The following RAB37 variants were observed in gnomAD, a reference collection of about 807,000 sequenced individuals.
RAB37 encodes the protein ras-related protein Rab-37.
In RAB37, 29 loss-of-function variants were observed where a neutral mutation model predicts 33.1. The ratio of observed to expected loss-of-function variants is 0.88; its 90% CI spans 0.65 to 1.20. RAB37 has a LOEUF of 1.20. RAB37 is among the 50% of genes most tolerant of loss of function. The probability of loss-of-function intolerance (pLI) is 0.00; values close to 1 mark genes in which losing one functional copy is unlikely to be tolerated. For missense variants in RAB37, 299 were observed against 301.1 expected (o/e 0.99, Z 0.05); for synonymous variants, 128 against 119.5 (o/e 1.07, Z -0.47).
intron 1 of RAB37, among the ~76,000 whole-genome samples, chr17:74,680,374 C>T (rs966759891): frequency 6.6e-6 from 1 of 152,124 alleles, no homozygotes; most frequent in African/African-American, 2.4e-5. Flanking sequence ...TCAAGAGTGG[C>T]TCCATCTCTC....
chr17:74,696,162 G>C, intron 1 of RAB37: 1 of 1,586,330 alleles, frequency 6.3e-7, no homozygotes, highest in South Asian at 1.2e-5. Flanking sequence ...AAGCTGCCTG[G>C]TCTCTCTGGT....
Position 74,690,721 on chromosome 17 carries a change from CAG to C in RAB37, c.72+19069_72+19070del, listed in dbSNP as rs527836386. ...TGACTCCTACAGTCATAGCACTGCA[CAG>C]AGAGAACCCAGACACTTCCTATCAG... On this transcript the variant is annotated intron_variant, in intron 1 of 7. Transcript: ENST00000340415. Among the ~76,000 whole-genome samples, 12 of 152,326 alleles carry C rather than the reference CAG, an allele frequency of 7.9e-5. No homozygotes were observed. In the East Asian group the frequency reaches 2.3e-3, roughly 29 times the overall value.
upstream of RAB37, among the ~76,000 whole-genome samples, chr17:74,734,730 C>G (rs2034439959): frequency 6.6e-6 from 1 of 151,930 alleles, no homozygotes; most frequent in African/African-American, 2.4e-5. Flanking sequence ...GTTATCCCAG[C>G]TACTTGGGAG....
chr17:74,700,685 T>C (rs1448942176), intron 1 of RAB37, among the ~76,000 whole-genome samples: 3 of 151,368 alleles, frequency 2.0e-5, no homozygotes, highest in African/African-American at 4.9e-5. Context: ...CTGGGAGGCG[T>C]AGGTTGCAGT....
chr17:74,735,059 A>AAGAAAGAAAGAAAGAG (rs2034454067), upstream of RAB37, among the ~76,000 whole-genome samples: 2 of 135,638 alleles, frequency 1.5e-5, no homozygotes, highest in Admixed American at 7.4e-5. Flanking sequence ...GAAAGAAAGA[A>AAGAAAGAAAGAAAGAG]AGAGAAAGAA....
At chr17:74,704,596 G>T (rs767531537) in intron 1 of RAB37, 10 of 1,614,066 alleles carry the variant, frequency 6.2e-6, no homozygotes, top group Admixed American at 5.0e-5. Context: ...TGAACGTGCG[G>T]TTTTTCTGAT....
At chr17:74,678,168 T>G (rs1423185319) in intron 1 of RAB37, among the ~76,000 whole-genome samples, 1 of 152,190 alleles carries the variant, frequency 6.6e-6, no homozygotes, top group Non-Finnish European at 1.5e-5. Flanking sequence ...CGAGTGCGAA[T>G]GGAGATCACA....
chr17:74,718,840 T>C (rs952371917), intron 1 of RAB37, among the ~76,000 whole-genome samples: 12 of 152,218 alleles, frequency 7.9e-5, no homozygotes, highest in African/African-American at 2.9e-4. Context: ...TGTTCTTCTG[T>C]AGAAAAGCAA....
At chr17:74,736,162 G>A (rs1267233213), upstream of RAB37, among the ~76,000 whole-genome samples, 2 of 151,762 alleles carry the variant, frequency 1.3e-5, no homozygotes, top group Non-Finnish European at 2.9e-5. Flanking sequence ...GCAGTGAGGC[G>A]AGATCGCACC....
intron 1 of RAB37, among the ~76,000 whole-genome samples, chr17:74,706,669 AAAAACAAAAC>A (rs905552893): frequency 2.6e-5 from 4 of 152,282 alleles, no homozygotes; most frequent in African/African-American, 9.6e-5. Context: ...ACTCCATCTC[AAAAACAAAAC>A]AAAACAAAAC....
chr17:74,671,713 A>T lies in RAB37; in HGVS notation c.72+55A>T. Reference sequence around the variant, plus strand: ...CGTTGGAAGAGGCGCCAGCACCAGGAGTTTTCTCCACTCCCCTGACTTTGC... The same window carrying T: ...CGTTGGAAGAGGCGCCAGCACCAGGTGTTTTCTCCACTCCCCTGACTTTGC... On this transcript the variant is annotated intron_variant, in intron 1 of 7. Coordinates refer to the RAB37 transcript ENST00000340415. This position sits in a 1 kb window ranked among gnomAD's most constrained non-coding sequence, Gnocchi z 5.0. 6.7e-7 allele frequency: 1 copy of T among 1,502,858 alleles called. No homozygotes were observed. The highest frequency in any genetic ancestry group is 9.3e-7 in the Non-Finnish European group (1 of 1,079,640). The allele number at this position is 1,502,858 out of a possible 1,614,324, so 93.1% of individuals were successfully genotyped here.
intron 1 of RAB37, among the ~76,000 whole-genome samples, chr17:74,727,979 CTGTGTGTCTGTGTGAA>C (rs1334907963): frequency 6.6e-6 from 1 of 150,744 alleles, no homozygotes; most frequent in Non-Finnish European, 1.5e-5. Flanking sequence ...GTATATGTGT[CTGTGTGTCTGTGTGAA>C]TGTGCATATG....
chr17:74,693,005 G>A (rs2032193091), intron 1 of RAB37, among the ~76,000 whole-genome samples: 1 of 152,184 alleles, frequency 6.6e-6, no homozygotes, highest in African/African-American at 2.4e-5. Context: ...ACAGCCTAGT[G>A]GAGATGGGGA....
intron 1 of RAB37, among the ~76,000 whole-genome samples, chr17:74,737,743 C>G (rs2034515684): frequency 6.6e-6 from 1 of 152,168 alleles, no homozygotes; most frequent in Non-Finnish European, 1.5e-5. Flanking sequence ...AGAGGACGTC[C>G]CCTGCTGGCA....
chr17:74,698,557 G>A, intron 1 of RAB37: 1 of 1,534,936 alleles, frequency 6.5e-7, no homozygotes, highest in Non-Finnish European at 8.8e-7. Context: ...CCACCCAGCA[G>A]CAGGGGAGGG....
At chr17:74,690,207 A>G (rs2032134472) in intron 1 of RAB37, among the ~76,000 whole-genome samples, 1 of 152,004 alleles carries the variant, frequency 6.6e-6, no homozygotes, top group African/African-American at 2.4e-5. Flanking sequence ...TCGATCACCC[A>G]CCTTGGCTTC....
chr17:74,680,013 A>G (rs1307182943), intron 1 of RAB37, among the ~76,000 whole-genome samples: 6 of 151,560 alleles, frequency 4.0e-5, no homozygotes, highest in Middle Eastern at 3.4e-3. Flanking sequence ...GAAAGAAAAA[A>G]CTGACTTGCT....
chr17:74,703,993 A>G (rs1194642736), intron 1 of RAB37, among the ~76,000 whole-genome samples: 1 of 152,222 alleles, frequency 6.6e-6, no homozygotes, highest in Non-Finnish European at 1.5e-5. Context: ...GGACTTGGGA[A>G]TTAGACCCCA....
chr17:74,712,695 G>A (rs1302542408), intron 1 of RAB37: 2 of 880,670 alleles, frequency 2.3e-6, no homozygotes, highest in Non-Finnish European at 3.7e-6. Context: ...TGAATGGTGG[G>A]TATGTGGATG....
Sources: allele counts gnomAD v4.1 joint callset (sites outside exome capture counted in the v4.1 genomes callset), GRCh38; gene constraint gnomAD v4.1.1; non-coding constraint Gnocchi (gnomAD v3.1); transcripts MANE v1.5; gene names NCBI Gene and HGNC (gene_info 2026-07-23, HGNC 2026-07-21).